Variants in DLGAP2 observed in about 807,000 individuals in gnomAD.
DLGAP2 encodes DLG associated protein 2.
DLGAP2 carries 26 observed loss-of-function variants against 100.3 expected under a neutral mutation model. The observed-to-expected ratio is 0.26, with a 90% CI of 0.19 to 0.36. The LOEUF is 0.36. Among genes scored for constraint, DLGAP2 ranks in the 10% least tolerant of loss-of-function variants. The pLI, the probability that DLGAP2 is intolerant of heterozygous loss-of-function variation, is 1.00. For synonymous variants in DLGAP2, 886 were observed against 630.1 expected, an observed-to-expected ratio of 1.41 and a Z score of -6.08; for missense variants, 1,858 against 1,453.2, an observed-to-expected ratio of 1.28 and a Z score of -4.53.
At chr8:1,507,730 G>C (rs1053361969) in intron 4 of DLGAP2, among the ~76,000 whole-genome samples, 2 of 142,942 alleles carry the variant, frequency 1.4e-5, no homozygotes, top group African/African-American at 2.9e-5. Flanking sequence ...CTGTCTCCCA[G>C]GCATTCGTTC....
At chr8:1,674,646 C>T (rs7011306) in intron 10 of DLGAP2, among the ~76,000 whole-genome samples, 1 of 152,020 alleles carries the variant, frequency 6.6e-6, no homozygotes, top group East Asian at 1.9e-4. Flanking sequence ...GCAATATCTA[C>T]CAAAATTATA....
intron 8 of DLGAP2, among the ~76,000 whole-genome samples, chr8:1,641,946 GT>G (rs1797916650): frequency 8.6e-6 from 1 of 116,650 alleles, no homozygotes; most frequent in African/African-American, 4.3e-5. Context: ...GACCCCGCCG[GT>G]CCTCACCTGT....
intron 2 of DLGAP2, among the ~76,000 whole-genome samples, chr8:1,257,316 G>A (rs73533770): frequency 0.085 from 12,888 of 152,122 alleles, 885 homozygotes; most frequent in African/African-American, 0.18. Context: ...AGCCTGTGAG[G>A]CTCTGCCTCA....
In DLGAP2 at chr8:1,422,419, G is replaced by T. The variant is rs140485592; in HGVS notation, c.107-78947G>T. Among the ~76,000 whole-genome samples the T allele has an allele frequency of 9.5e-4, 144 of 152,318 alleles. 1 individual carries two copies. Among genetic ancestry groups the T allele is most frequent in the African/African-American group, 3.3e-3 (138 of 41,570 alleles). On this transcript the variant is annotated intron_variant, in intron 3 of 14. Transcript: ENST00000637795. ...CGCTTGTGTATATGTAGGGAGAAAA[G>T]CGAAGATGGCCGTGACTGAGCGAGG...
intron 5 of DLGAP2, among the ~76,000 whole-genome samples, chr8:1,555,286 T>C (rs1801923600): frequency 6.6e-6 from 1 of 152,106 alleles, no homozygotes. Context: ...AGCTGCCCCA[T>C]CCATCCAGTG....
chr8:886,271 T>G (rs193286499), intron 1 of DLGAP2, among the ~76,000 whole-genome samples: 9 of 152,334 alleles, frequency 5.9e-5, no homozygotes, highest in Admixed American at 1.3e-4. Context: ...CTCTCTCTTT[T>G]TCTTTATTAG....
chr8:1,447,103 G>T (rs1216250048), intron 3 of DLGAP2, among the ~76,000 whole-genome samples: 1 of 152,088 alleles, frequency 6.6e-6, no homozygotes, highest in Non-Finnish European at 1.5e-5. Flanking sequence ...CTGCCTAATT[G>T]CCCTGGCCAG....
At chr8:1,628,977 A>T (rs966811364) in intron 7 of DLGAP2, among the ~76,000 whole-genome samples, 1 of 152,256 alleles carries the variant, frequency 6.6e-6, no homozygotes, top group Admixed American at 6.5e-5. Context: ...CTGAGCACTC[A>T]AAAATGATAG....
chr8:1,484,107 G>A lies in DLGAP2; in HGVS notation c.107-17259G>A, dbSNP rs1031080882. Among the ~76,000 whole-genome samples, 8 of 152,342 alleles carry A rather than the reference G, an allele frequency of 5.3e-5. No homozygotes were observed. The South Asian group carries it at 6.2e-4, about 12-fold the overall frequency. Reference sequence around the variant, plus strand: ...GCCGGCTTCCTTCCTGGGAGCCAGCGTGGGCTGAGGAGCTGGTGAGGTGCC... The same window carrying A: ...GCCGGCTTCCTTCCTGGGAGCCAGCATGGGCTGAGGAGCTGGTGAGGTGCC... On this transcript the variant is annotated intron_variant, in intron 3 of 14. Transcript: ENST00000637795.
intron 3 of DLGAP2, among the ~76,000 whole-genome samples, chr8:1,303,780 C>T (rs933420643): frequency 6.6e-6 from 1 of 152,164 alleles, no homozygotes; most frequent in Non-Finnish European, 1.5e-5. Flanking sequence ...CTAAATTAAT[C>T]CTGCATCCGG....
At chr8:1,605,855 A>G (rs1184020208) in intron 6 of DLGAP2, among the ~76,000 whole-genome samples, 1 of 152,242 alleles carries the variant, frequency 6.6e-6, no homozygotes, top group East Asian at 1.9e-4. Context: ...TGTTTAAAAT[A>G]TGCCACAAAA....
At chr8:1,428,250 G>GA (rs1266708680) in intron 3 of DLGAP2, among the ~76,000 whole-genome samples, 1 of 151,648 alleles carries the variant, frequency 6.6e-6, no homozygotes, top group Non-Finnish European at 1.5e-5. Context: ...ATAATTTTTT[G>GA]AAAAAATATA....
At chr8:1,312,611 G>A (rs373505026) in intron 3 of DLGAP2, among the ~76,000 whole-genome samples, 11 of 152,142 alleles carry the variant, frequency 7.2e-5, no homozygotes, top group South Asian at 2.1e-4. Flanking sequence ...GCAGCGTTGC[G>A]AATGTATTTA....
In DLGAP2 at chr8:1,485,975, C is replaced by T. The variant is rs140160241; in HGVS notation, c.107-15391C>T. On this transcript the variant is annotated intron_variant, in intron 3 of 14. Coordinates refer to ENST00000637795, the MANE Select transcript of DLGAP2 (RefSeq NM_001346810.2). ...CCCGGAGGTGGAGGCTGCAGTGAGC[C>T]GAGATCGCGCCACTGCACTCCAGCC... 1.1e-4 allele frequency among the ~76,000 whole-genome samples: 17 copies of T among 152,182 alleles called. No homozygotes were observed. In the East Asian group the frequency reaches 1.4e-3, roughly 12 times the overall value.
At chr8:1,632,511 C>A (rs527666845) in intron 7 of DLGAP2, among the ~76,000 whole-genome samples, 1 of 152,166 alleles carries the variant, frequency 6.6e-6, no homozygotes, top group Admixed American at 6.5e-5. Context: ...GTACCAGGTA[C>A]TTTGCTAATC....
intron 2 of DLGAP2, among the ~76,000 whole-genome samples, chr8:1,010,346 C>T (rs2129020555): frequency 6.6e-6 from 1 of 152,254 alleles, no homozygotes; most frequent in South Asian, 2.1e-4. Context: ...CATATGCACA[C>T]ACATGCACAC....
intron 3 of DLGAP2, among the ~76,000 whole-genome samples, chr8:1,497,358 A>G (rs1799578606): frequency 6.6e-6 from 1 of 152,160 alleles, no homozygotes; most frequent in Non-Finnish European, 1.5e-5. Context: ...CATGGGAAGT[A>G]AAGAGGCTAG....
intron 1 of DLGAP2, among the ~76,000 whole-genome samples, chr8:815,122 C>A (rs1275443980): frequency 3.3e-4 from 50 of 152,190 alleles, no homozygotes; most frequent in Non-Finnish European, 1.5e-5. Context: ...TGTGCTGCTA[C>A]AACCAAATGC....
chr8:1,651,912 G>C lies in DLGAP2; in HGVS notation c.1811-16417G>C, dbSNP rs138831606. 1.5e-3 allele frequency among the ~76,000 whole-genome samples: 221 copies of C among 152,308 alleles called. 3 individuals are homozygous for C. The highest frequency in any genetic ancestry group is 0.01 in the South Asian group (49 of 4,824). ...TCTGGTCAGACATTCCTCAGCGCCA[G>C]CCAGCCTTTGCATGAGGCAGCACTC... On this transcript the variant is annotated intron_variant, in intron 8 of 14. Coordinates refer to ENST00000637795, the MANE Select transcript of DLGAP2 (RefSeq NM_001346810.2).
Sources: allele counts gnomAD v4.1 joint callset (sites outside exome capture counted in the v4.1 genomes callset), GRCh38; gene constraint gnomAD v4.1.1; transcripts MANE v1.5; gene names NCBI Gene and HGNC (gene_info 2026-07-23, HGNC 2026-07-21).